Variants in RXFP1 observed in about 807,000 individuals in gnomAD.
The protein encoded by RXFP1 is relaxin receptor 1.
RXFP1 carries 73 observed loss-of-function variants against 89.8 expected under a neutral mutation model. The observed-to-expected ratio is 0.81, with a 90% CI of 0.67 to 0.99. RXFP1 has a LOEUF of 0.99. RXFP1 is among the 50% of genes least tolerant of loss of function. RXFP1 has a pLI of 0.00. For missense variants in RXFP1, 793 were observed against 895.5 expected (o/e 0.89, Z 1.46); for synonymous variants, 277 against 305.5 (o/e 0.91, Z 0.97).
At chr4:158,628,761 C>A in intron 11 of RXFP1, 52 bp downstream of exon 11, 1 of 954,664 alleles carries the variant, frequency 1.0e-6, no homozygotes, top group Admixed American at 2.3e-5. Context: ...ACTGTTTTTT[C>A]ACACTTGTAC....
At chr4:158,647,873 G>A (rs369305891) in intron 16 of RXFP1, among the ~76,000 whole-genome samples, 9 of 152,048 alleles carry the variant, frequency 5.9e-5, no homozygotes, top group Non-Finnish European at 8.8e-5. Flanking sequence ...AAAATTAGCC[G>A]GGCATGGTGG....
intron 12 of RXFP1, 91 bp from the exon 13 acceptor site, chr4:158,637,917 A>G (rs1056024796): frequency 1.7e-5 from 13 of 761,188 alleles, no homozygotes; most frequent in Non-Finnish European, 3.0e-5. Flanking sequence ...TCGTTCATAA[A>G]TATGTTAAAG....
chr4:158,646,806 T>A lies in RXFP1; in HGVS notation c.1361T>A (p.Met454Lys). 2 of 1,608,168 alleles carry A rather than the reference T, an allele frequency of 1.2e-6. No individual in the cohort carries two copies. The highest frequency in any genetic ancestry group is 1.7e-6 in the Non-Finnish European group (2 of 1,175,966). ...ACTCCTCTAGGTGCCGACTGCTTAA[T>A]GGGAATATATTTATTCGTGATCGGA... ...IISLCCADCL[M>K]GIYLFVIGGF... Residue 454 changes from methionine (M) to lysine (K), a missense_variant, in exon 16 of 18, where the codon ATG becomes AAG. Transcript: ENST00000307765.
At chr4:158,634,410 T>G (rs781057837) in intron 12 of RXFP1, among the ~76,000 whole-genome samples, 6 of 152,222 alleles carry the variant, frequency 3.9e-5, no homozygotes, top group Non-Finnish European at 8.8e-5. Flanking sequence ...AGTTCTTATA[T>G]ATTCTGGATG....
Position 158,570,060 on chromosome 4 carries a change from G to A in RXFP1, c.50-2638G>A, listed in dbSNP as rs1754706462. Among the ~76,000 whole-genome samples the A allele has an allele frequency of 4.6e-5, 7 of 152,182 alleles. No homozygotes were observed. In the South Asian group the frequency reaches 8.3e-4, roughly 18 times the overall value. The stretch of plus-strand genomic sequence containing the variant: ...AAAACTTTAATATTTAAATTAGCTT[G>A]GACACTCAAACATTCTTTCCTAGAA... On this transcript the variant is annotated intron_variant, in intron 1 of 17. Transcript: ENST00000307765.
intron 1 of RXFP1, among the ~76,000 whole-genome samples, chr4:158,557,562 C>T (rs1035166325): frequency 6.6e-6 from 1 of 152,158 alleles, no homozygotes; most frequent in African/African-American, 2.4e-5. Flanking sequence ...GCAGTTGTGA[C>T]CATCAGAGTT....
intron 6 of RXFP1, among the ~76,000 whole-genome samples, chr4:158,611,469 T>A (rs944879843): frequency 5.9e-5 from 9 of 152,302 alleles, no homozygotes; most frequent in African/African-American, 2.2e-4. Flanking sequence ...CCTAGGTTTA[T>A]CTCCTGTCTC....
intron 1 of RXFP1, among the ~76,000 whole-genome samples, chr4:158,523,884 GTTTCTTTGT>G (rs1474595019): frequency 6.6e-6 from 1 of 152,144 alleles, no homozygotes; most frequent in Non-Finnish European, 1.5e-5. Context: ...CATGGTTGTT[GTTTCTTTGT>G]GTGTTTTCTT....
intron 1 of RXFP1, among the ~76,000 whole-genome samples, chr4:158,539,055 T>C (rs923394915): frequency 6.6e-6 from 1 of 152,144 alleles, no homozygotes; most frequent in African/African-American, 2.4e-5. Context: ...CCTCACTACT[T>C]AACCCAGTGA....
intron 4 of RXFP1, among the ~76,000 whole-genome samples, chr4:158,604,163 G>A (rs959369880): frequency 1.3e-5 from 2 of 151,854 alleles, no homozygotes; most frequent in Non-Finnish European, 2.9e-5. Flanking sequence ...CCTAAACATT[G>A]TTAGTGCTTA....
intron 16 of RXFP1, 134 bp from the exon 17 acceptor site, chr4:158,648,365 C>A: frequency 1.8e-6 from 1 of 549,968 alleles, no homozygotes; most frequent in East Asian, 3.3e-5. Flanking sequence ...GAAGAAAAAA[C>A]CCACACATTA....
intron 1 of RXFP1, among the ~76,000 whole-genome samples, chr4:158,552,212 T>C (rs556309545): frequency 6.6e-6 from 1 of 152,294 alleles, no homozygotes; most frequent in South Asian, 2.1e-4. Flanking sequence ...ACTACCAGCA[T>C]AAATCAATAA....
At chr4:158,614,478 C>T (rs2150139338) in intron 8 of RXFP1, among the ~76,000 whole-genome samples, 1 of 152,340 alleles carries the variant, frequency 6.6e-6, no homozygotes, top group Admixed American at 6.5e-5. Context: ...TTAGTACTTC[C>T]TGCTTCACTT....
intron 1 of RXFP1, among the ~76,000 whole-genome samples, chr4:158,538,257 G>A (rs1175634386): frequency 6.6e-6 from 1 of 152,136 alleles, no homozygotes; most frequent in East Asian, 1.9e-4. Context: ...GATCCCTCTG[G>A]CTGCTGTGTG....
intron 1 of RXFP1, among the ~76,000 whole-genome samples, chr4:158,559,477 T>C (rs562261782): frequency 6.6e-6 from 1 of 152,206 alleles, no homozygotes; most frequent in East Asian, 1.9e-4. Flanking sequence ...TCTAGAAAGG[T>C]GACAAATAAA....
intron 1 of RXFP1, among the ~76,000 whole-genome samples, chr4:158,524,239 A>G (rs375990311): frequency 1.2e-4 from 19 of 152,202 alleles, no homozygotes; most frequent in Admixed American, 3.3e-4. Context: ...GAATGCTTTC[A>G]GAGCCCGTGC....
At chr4:158,605,646 C>T (rs921129564) in intron 5 of RXFP1, among the ~76,000 whole-genome samples, 3 of 152,150 alleles carry the variant, frequency 2.0e-5, no homozygotes, top group Admixed American at 1.3e-4. Context: ...TTGTGAGTTG[C>T]GTTTTATTTT....
intron 1 of RXFP1, among the ~76,000 whole-genome samples, chr4:158,539,319 C>T (rs964748693): frequency 4.0e-5 from 6 of 151,846 alleles, no homozygotes; most frequent in Admixed American, 3.9e-4. Flanking sequence ...CATCACACAC[C>T]GGGGACTATT....
At chr4:158,619,746 C>T (rs1037463252) in intron 9 of RXFP1, among the ~76,000 whole-genome samples, 5 of 152,148 alleles carry the variant, frequency 3.3e-5, no homozygotes, top group Non-Finnish European at 7.4e-5. Flanking sequence ...AATCCTCCTG[C>T]ACCCAGGGAC....
Sources: gnomAD v4.1 joint callset for allele counts (sites outside exome capture counted in the v4.1 genomes callset) on GRCh38, gnomAD v4.1.1 for gene constraint, MANE v1.5 for transcripts, NCBI Gene and HGNC (gene_info 2026-07-23, HGNC 2026-07-21) for gene names.